The following MYH9 variants were observed in gnomAD, a reference collection of about 807,000 sequenced individuals.
The protein encoded by MYH9 is myosin heavy chain 9.
A neutral mutation model predicts 241.9 loss-of-function variants in MYH9; 29 were observed. The observed-to-expected ratio is 0.12, with a 90% CI of 0.09 to 0.16. The LOEUF is 0.16. Ranked by LOEUF, MYH9 falls within the 10% of genes least tolerant of loss-of-function variation. The pLI is 1.00. For missense variants in MYH9, 1,803 were observed against 2,595.5 expected, an observed-to-expected ratio of 0.69 and a Z score of 6.63; for synonymous variants, 1,047 against 1,062.6, an observed-to-expected ratio of 0.99 and a Z score of 0.29.
chr22:36,283,776 G>A (rs2016532703), intron 40 of MYH9, among the ~76,000 whole-genome samples: 2 of 152,194 alleles, frequency 1.3e-5, no homozygotes, highest in Admixed American at 1.3e-4. Context: ...CATTGCTCAT[G>A]AGGCTCACAT....
chr22:36,285,995 C>A lies in MYH9; in HGVS notation c.5062-42G>T, dbSNP rs534282705. Reference sequence around the variant, plus strand: ...GAGTGTGACCTAAAGGCAGCCACAGCCCCACAAGACCATCCTTCCCAGCCC... The same window carrying A: ...GAGTGTGACCTAAAGGCAGCCACAGACCCACAAGACCATCCTTCCCAGCCC... On this transcript the variant is annotated intron_variant, in intron 35 of 40. Transcript: ENST00000216181. This position sits in a 1 kb window ranked among gnomAD's most constrained non-coding sequence, Gnocchi z 7.0. 20 of 1,600,998 alleles carry A rather than the reference C, an allele frequency of 1.2e-5. No individual in the cohort carries two copies. Among genetic ancestry groups the A allele is most frequent in the East Asian group, 2.2e-5 (1 of 44,842 alleles).
rs1157828249 is a variant in MYH9 at position 36,295,094 on chromosome 22, C to T, written c.3486-18G>A. ...GTTTTGACCTGGACAGAGAAATCCC[C>T]TCAGAGTGGAGGCCGGGGATGCTGG... On this transcript the variant is annotated intron_variant, in intron 26 of 40. Transcript: ENST00000216181. This position sits in a 1 kb window ranked among gnomAD's most constrained non-coding sequence, Gnocchi z 4.1. 9.3e-6 allele frequency: 15 copies of T among 1,614,042 alleles called. No individual in the cohort carries two copies. Among genetic ancestry groups the T allele is most frequent in the Admixed American group, 1.7e-5 (1 of 60,002 alleles).
In MYH9 at chr22:36,293,680, G is replaced by A; in HGVS notation, c.3942+79C>T. On this transcript the variant is annotated intron_variant, in intron 29 of 40. Coordinates refer to ENST00000216181, the MANE Select transcript of MYH9 (RefSeq NM_002473.6). This position sits in a 1 kb window ranked among gnomAD's most constrained non-coding sequence, Gnocchi z 5.1. ...GAAGGAGAGGATGGGCAATCCGATGGGCTCTGAAGCTAATGTTGCGTGGAC... is the reference window on the plus strand; with the variant it reads ...GAAGGAGAGGATGGGCAATCCGATGAGCTCTGAAGCTAATGTTGCGTGGAC... The A allele has an allele frequency of 7.1e-7, 1 of 1,398,860 alleles. No homozygotes were observed. The highest frequency in any genetic ancestry group is 1.8e-5 in the Admixed American group (1 of 56,502). The allele number at this position is 1,398,860 out of a possible 1,614,324, so 86.7% of individuals were successfully genotyped here. A position where few individuals can be genotyped will look rare whatever the true frequency, so the allele number is the denominator to read the frequency against.
rs540698834 is a variant in MYH9 at position 36,382,582 on chromosome 22, C to A, written c.-20+5225G>T. On this transcript the variant is annotated intron_variant, in intron 1 of 40. Coordinates refer to ENST00000216181, the MANE Select transcript of MYH9 (RefSeq NM_002473.6). Reference sequence around the variant, plus strand: ...CTTTGGGAGGCCAAGGCGGGTGGATCGCCTGAGGTCGGAAGTTCGAGACCA... The same window carrying A: ...CTTTGGGAGGCCAAGGCGGGTGGATAGCCTGAGGTCGGAAGTTCGAGACCA... Among the ~76,000 whole-genome samples, 63 of 152,134 alleles carry A rather than the reference C, an allele frequency of 4.1e-4. 1 individual carries two copies. Among genetic ancestry groups the A allele is most frequent in the African/African-American group, 1.5e-3 (62 of 41,506 alleles).
In MYH9 at chr22:36,311,384, G is replaced by A. The variant is rs2017061381; in HGVS notation, c.1728+665C>T. Among the ~76,000 whole-genome samples the A allele has an allele frequency of 2.0e-5, 3 of 152,004 alleles. No homozygotes were observed. In the South Asian group the frequency reaches 6.2e-4, roughly 32 times the overall value. ...CCCCGCACCTCCCCCCCCGAAACTAGGACATGTTTGGCGATGTCTGGAGAC... is the reference window on the plus strand; with the variant it reads ...CCCCGCACCTCCCCCCCCGAAACTAAGACATGTTTGGCGATGTCTGGAGAC... On this transcript the variant is annotated intron_variant, in intron 14 of 40. Transcript: ENST00000216181.
intron 1 of MYH9, among the ~76,000 whole-genome samples, chr22:36,361,426 G>A (rs1392284255): frequency 6.6e-6 from 1 of 152,206 alleles, no homozygotes; most frequent in Non-Finnish European, 1.5e-5. Context: ...CCTGTCCAAG[G>A]GAGGGCCTGT....
intron 1 of MYH9, among the ~76,000 whole-genome samples, chr22:36,385,246 G>A (rs2018334600): frequency 6.6e-6 from 1 of 151,662 alleles, no homozygotes; most frequent in Admixed American, 6.6e-5. Context: ...CAGGCTCAGA[G>A]GAAAACAACA....
In MYH9 at chr22:36,306,043, C is replaced by G; in HGVS notation, c.2046G>C (p.Lys682Asn). 6.2e-7 allele frequency: 1 copy of G among 1,613,208 alleles called. No individual in the cohort carries two copies. Among genetic ancestry groups the G allele is most frequent in the Non-Finnish European group, 8.5e-7 (1 of 1,180,022 alleles). Reference protein sequence around the residue: ...IIPNHEKKAGKLDPHLVLDQL... With the variant: ...IIPNHEKKAGNLDPHLVLDQL... ...GGTCCAGCACGAGATGCGGGTCCAG[C>G]TTGCCGGCCTGGAGAAGAAAACACA... is the stretch of plus-strand genomic sequence containing the variant. The change falls in exon 17 of 41, where the codon AAG becomes AAC. Residue 682 changes from lysine to asparagine, a missense_variant. Around this residue, in one of 11 missense-constraint regions of MYH9, gnomAD observed 163 missense variants for 349.7 expected, o/e 0.47. Coordinates refer to ENST00000216181, the MANE Select transcript of MYH9 (RefSeq NM_002473.6). This position sits in a 1 kb window ranked among gnomAD's most constrained non-coding sequence, Gnocchi z 4.1.
chr22:36,377,111 C>A (rs764641684), intron 1 of MYH9, among the ~76,000 whole-genome samples: 1 of 151,630 alleles, frequency 6.6e-6, no homozygotes, highest in Non-Finnish European at 1.5e-5. Flanking sequence ...CCCATTTGTG[C>A]AATAAGGACT....
rs150102167 is a variant in MYH9 at position 36,349,401 on chromosome 22, C to A, written c.-19-146G>T. The A allele has an allele frequency of 7.8e-3, 5,454 of 698,034 alleles. 241 individuals are homozygous for A. The African/African-American group carries it at 0.086, about 11-fold the overall frequency. 43.2% of individuals were successfully genotyped at this position (698,034 alleles called of 1,614,324 possible). Reference sequence around the variant, plus strand: ...ATAACCAGGCTGCACAACTTTCTTGCTCCACACTTTTGGGATAAAGATGTG... The same window carrying A: ...ATAACCAGGCTGCACAACTTTCTTGATCCACACTTTTGGGATAAAGATGTG... On this transcript the variant is annotated intron_variant, in intron 1 of 40. Transcript: ENST00000216181.
chr22:36,282,279 A>G lies in MYH9; in HGVS notation c.*389T>C. ...GAGGCTGACGACTGCGGGGGCTCCG[A>G]CTACCAAAAGGCCTCAGTCTGAAGA... On this transcript the variant is annotated 3_prime_UTR_variant, in exon 41 of 41. Transcript: ENST00000216181. 1 of 389,370 alleles carries G rather than the reference A, an allele frequency of 2.6e-6. No individual in the cohort carries two copies. The highest frequency in any genetic ancestry group is 4.8e-6 in the Non-Finnish European group (1 of 209,846). 24.1% of individuals were successfully genotyped at this position (389,370 alleles called of 1,614,324 possible).
chr22:36,350,615 C>T (rs780977573), intron 1 of MYH9, among the ~76,000 whole-genome samples: 4 of 152,208 alleles, frequency 2.6e-5, no homozygotes, highest in Admixed American at 6.5e-5. Context: ...ACACATATTT[C>T]GCTATCTCGA....
chr22:36,380,299 C>T (rs1156297508), intron 1 of MYH9, among the ~76,000 whole-genome samples: 1 of 152,174 alleles, frequency 6.6e-6, no homozygotes, highest in Non-Finnish European at 1.5e-5. Context: ...CCCTCCCATT[C>T]AAAACACCCC....
At chr22:36,286,142 A>C in intron 35 of MYH9, 189 bp from the exon 36 acceptor site, 1 of 640,634 alleles carries the variant, frequency 1.6e-6, no homozygotes, top group South Asian at 1.8e-5. Flanking sequence ...CCATATGTTT[A>C]TAAAACTCTT....
intron 1 of MYH9, among the ~76,000 whole-genome samples, chr22:36,383,823 G>A (rs1161135317): frequency 6.6e-6 from 1 of 151,988 alleles, no homozygotes; most frequent in Non-Finnish European, 1.5e-5. Flanking sequence ...AGCCACGCAT[G>A]GTGGCGGGCA....
At chr22:36,331,085 T>G (rs2017413134) in intron 3 of MYH9, among the ~76,000 whole-genome samples, 1 of 152,070 alleles carries the variant, frequency 6.6e-6, no homozygotes, top group African/African-American at 2.4e-5. Context: ...CAACCACTAG[T>G]CCATGTGTCT....
At chr22:36,378,105 T>A (rs2018199466) in intron 1 of MYH9, among the ~76,000 whole-genome samples, 1 of 147,850 alleles carries the variant, frequency 6.8e-6, no homozygotes. Context: ...CAAAACCCTG[T>A]CTCTACAAAA....
chr22:36,366,817 G>C (rs1343432565), intron 1 of MYH9, among the ~76,000 whole-genome samples: 2 of 152,160 alleles, frequency 1.3e-5, no homozygotes, highest in African/African-American at 4.8e-5. Context: ...CTGTGCTGGA[G>C]CTACAGTGAT....
chr22:36,292,141 G>C lies in MYH9; in HGVS notation c.4189C>G (p.Leu1397Val). 6.2e-7 allele frequency: 1 copy of C among 1,614,210 alleles called. No homozygotes were observed. Among genetic ancestry groups the C allele is most frequent in the Non-Finnish European group, 8.5e-7 (1 of 1,180,038 alleles). Residue 1397 changes from leucine (L) to valine (V), a missense_variant, in exon 31 of 41, where the codon CTG becomes GTG. Leu to Val is a conservative substitution (Grantham distance 32). Coordinates refer to ENST00000216181, the MANE Select transcript of MYH9 (RefSeq NM_002473.6). ...ACCTTCTCCTCGTGCCGCTGGCTCA[G>C]GCCCTCCAGGTCCTTCTGGAGCTTC... ...KRKLQKDLEG[L>V]SQRHEEKVAA... is the part of the protein sequence containing the mutation.
Sources: gnomAD v4.1 joint callset for allele counts (sites outside exome capture counted in the v4.1 genomes callset) on GRCh38, gnomAD v4.1.1 for gene constraint, gnomAD v4.1.1 regional missense constraint, Gnocchi (gnomAD v3.1) non-coding constraint, MANE v1.5 for transcripts, NCBI Gene and HGNC (gene_info 2026-07-23, HGNC 2026-07-21) for gene names.